Variants in PANK1 observed in about 807,000 individuals in gnomAD.
PANK1 encodes pantothenic acid kinase 1.
PANK1 carries 18 observed loss-of-function variants against 40.1 expected under a neutral mutation model. The observed-to-expected ratio is 0.45, with a 90% CI of 0.31 to 0.67. PANK1 has a LOEUF of 0.67. PANK1 is among the 30% of genes least tolerant of loss of function. The pLI is 0.06. For synonymous variants in PANK1, 242 were observed against 237.7 expected (o/e 1.02, Z -0.17); for missense variants, 457 against 599.6 (o/e 0.76, Z 2.48).
intron 1 of PANK1, among the ~76,000 whole-genome samples, chr10:89,619,085 G>A (rs2133976068): frequency 6.6e-6 from 1 of 152,324 alleles, no homozygotes; most frequent in South Asian, 2.1e-4. Flanking sequence ...TGTGGTAGCT[G>A]AGTGTTAAAA....
intron 2 of PANK1, among the ~76,000 whole-genome samples, chr10:89,608,067 C>G (rs576857373): frequency 1.4e-4 from 20 of 146,678 alleles, no homozygotes; most frequent in African/African-American, 5.0e-4. Flanking sequence ...AGTCTGGCCT[C>G]GTCGCCCCGG....
intron 3 of PANK1, among the ~76,000 whole-genome samples, chr10:89,598,263 TCTC>T (rs1193944682): frequency 6.6e-6 from 1 of 152,212 alleles, no homozygotes; most frequent in Non-Finnish European, 1.5e-5. Context: ...AAAGCAATGT[TCTC>T]CTCCTAATGG....
At chr10:89,589,898 A>C (rs1329132274) in intron 5 of PANK1, among the ~76,000 whole-genome samples, 3 of 151,994 alleles carry the variant, frequency 2.0e-5, no homozygotes, top group African/African-American at 7.2e-5. Context: ...AAAACAGGGG[A>C]GTCCAAGGGA....
intron 1 of PANK1, among the ~76,000 whole-genome samples, chr10:89,630,009 TA>T (rs1447324130): frequency 6.6e-6 from 1 of 152,242 alleles, no homozygotes; most frequent in East Asian, 1.9e-4. Context: ...AAGACAGCAT[TA>T]CCAGGACTTG....
intron 2 of PANK1, among the ~76,000 whole-genome samples, chr10:89,606,017 G>A (rs1014721808): frequency 2.6e-5 from 4 of 152,082 alleles, no homozygotes; most frequent in African/African-American, 9.7e-5. Context: ...GTAAAACTTT[G>A]AAAAGATTTT....
At chr10:89,635,141 T>TAG (rs567527672) in intron 1 of PANK1, among the ~76,000 whole-genome samples, 1,901 of 148,822 alleles carry the variant, frequency 0.013, 26 homozygotes, top group South Asian at 0.018. Flanking sequence ...TATATATATA[T>TAG]ATAGAGAGAG....
At chr10:89,601,670 T>C (rs910849896) in intron 2 of PANK1, among the ~76,000 whole-genome samples, 1 of 152,224 alleles carries the variant, frequency 6.6e-6, no homozygotes, top group African/African-American at 2.4e-5. Flanking sequence ...GGATGTATTC[T>C]TGATTATTCT....
intron 1 of PANK1, among the ~76,000 whole-genome samples, chr10:89,636,378 G>A (rs1040933412): frequency 4.0e-5 from 6 of 151,702 alleles, no homozygotes; most frequent in African/African-American, 9.7e-5. Context: ...GAGTTGGAGT[G>A]CAGGTTGGCT....
intron 3 of PANK1, among the ~76,000 whole-genome samples, chr10:89,595,831 AAAAT>A (rs1442179894): frequency 4.8e-3 from 273 of 56,490 alleles, no homozygotes; most frequent in African/African-American, 0.023. Flanking sequence ...AAAAAAAAAA[AAAAT>A]ATATATATAT....
At chr10:89,638,543 T>C (rs1159112559) in intron 1 of PANK1, among the ~76,000 whole-genome samples, 1 of 152,264 alleles carries the variant, frequency 6.6e-6, no homozygotes, top group Non-Finnish European at 1.5e-5. Context: ...CTGTTTCCTT[T>C]TTAATTATAA....
rs188440935 is a variant in PANK1, at chr10:89,596,255, C to G, written c.900-2266G>C. 2.5e-4 allele frequency among the ~76,000 whole-genome samples: 38 copies of G among 152,274 alleles called. 1 individual carries two copies. In the East Asian group the frequency reaches 7.1e-3, roughly 29 times the overall value. ...GCTTCCATTTCTAGCTTCTAAATAT[C>G]TGTCATCCCCATGAATAATCTTTCT... is the stretch of plus-strand genomic sequence containing the variant. On this transcript the variant is annotated intron_variant, in intron 3 of 6. Coordinates refer to ENST00000307534, the MANE Select transcript of PANK1 (RefSeq NM_148977.3).
chr10:89,591,793 A>G (rs573457602), intron 5 of PANK1, among the ~76,000 whole-genome samples: 48 of 152,230 alleles, frequency 3.2e-4, no homozygotes, highest in Non-Finnish European at 6.5e-4. Context: ...TGAAATCAAA[A>G]GTGAAAAGTA....
At chr10:89,591,393 C>T (rs1844382980) in intron 5 of PANK1, among the ~76,000 whole-genome samples, 1 of 152,142 alleles carries the variant, frequency 6.6e-6, no homozygotes, top group Non-Finnish European at 1.5e-5. Flanking sequence ...AAATTTGAAT[C>T]AGAAAATTTA....
intron 5 of PANK1, among the ~76,000 whole-genome samples, chr10:89,589,479 T>A (rs1011288619): frequency 9.9e-5 from 15 of 151,986 alleles, no homozygotes; most frequent in Admixed American, 7.9e-4. Flanking sequence ...TACTTCCCAC[T>A]CCCCGAGATA....
intron 2 of PANK1, among the ~76,000 whole-genome samples, chr10:89,601,379 G>A (rs1174254539): frequency 6.6e-6 from 1 of 150,476 alleles, no homozygotes; most frequent in East Asian, 1.9e-4. Flanking sequence ...TGCTTGGGAG[G>A]CTGAGGTGGG....
chr10:89,643,419 C>A (rs1005155511), intron 1 of PANK1, among the ~76,000 whole-genome samples: 3 of 152,188 alleles, frequency 2.0e-5, no homozygotes, highest in Non-Finnish European at 4.4e-5. Context: ...AAGTTCCACA[C>A]AAAATCTTAA....
At chr10:89,611,366 T>C (rs1845146482) in intron 2 of PANK1, among the ~76,000 whole-genome samples, 1 of 152,226 alleles carries the variant, frequency 6.6e-6, no homozygotes. Context: ...AAGTCTGTGG[T>C]CAATTCTAAC....
chr10:89,618,164 G>GC (rs1404257559), intron 1 of PANK1, among the ~76,000 whole-genome samples: 1 of 152,206 alleles, frequency 6.6e-6, no homozygotes, highest in Admixed American at 6.5e-5. Flanking sequence ...CACCTACAAG[G>GC]CAGGGGGCCC....
intron 1 of PANK1, 87 bp downstream of exon 1, chr10:89,644,513 T>A (rs1054367902): frequency 8.2e-7 from 1 of 1,223,550 alleles, no homozygotes; most frequent in Non-Finnish European, 1.1e-6. Flanking sequence ...CGGGGCGTGC[T>A]GCGGCGCCTG....
Sources: gnomAD v4.1 joint callset for allele counts (sites outside exome capture counted in the v4.1 genomes callset) on GRCh38, gnomAD v4.1.1 for gene constraint, MANE v1.5 for transcripts, NCBI Gene and HGNC (gene_info 2026-07-23, HGNC 2026-07-21) for gene names.